Variants in PTCHD4 observed in about 807,000 individuals in gnomAD.
PTCHD4 encodes the protein patched domain containing 4, also known as patched domain-containing protein 4.
PTCHD4 carries 33 observed loss-of-function variants against 58.1 expected under a neutral mutation model. The observed-to-expected ratio is 0.57, with a 90% CI of 0.43 to 0.76. The LOEUF (loss-of-function observed/expected upper bound fraction) is 0.76. PTCHD4 is among the 30% of genes least tolerant of loss of function. PTCHD4 has a pLI of 0.00. For missense variants in PTCHD4, 1,058 were observed against 1,027.1 expected, an observed-to-expected ratio of 1.03 and a Z score of -0.41; for synonymous variants, 478 against 409.6, an observed-to-expected ratio of 1.17 and a Z score of -2.02.
chr6:48,032,706 T>G (rs1385888692), intron 3 of PTCHD4, among the ~76,000 whole-genome samples: 1 of 152,158 alleles, frequency 6.6e-6, no homozygotes, highest in Non-Finnish European at 1.5e-5. Context: ...CTTCAGAATT[T>G]TCTGTCAATT....
At position 47,873,235 on chromosome 6, in the gene PTCHD4, C is replaced by T. The variant is rs536326894; in HGVS notation, c.*5068G>A. On this transcript the variant is annotated 3_prime_UTR_variant, in exon 5 of 5. Coordinates refer to ENST00000339488, the MANE Select transcript of PTCHD4 (RefSeq NM_001384253.1). ...ATCAAGTTTGCTAGCAGTTGAGAAT[C>T]TATAGTTTTGCAACACCACGTGATT... 6.6e-6 allele frequency among the ~76,000 whole-genome samples: 1 copy of T among 151,826 alleles called. No homozygotes were observed. The highest frequency in any genetic ancestry group is 1.9e-4 in the East Asian group (1 of 5,136).
chr6:47,992,781 C>A lies in PTCHD4; in HGVS notation c.898+15853G>T, dbSNP rs150621796. ...ATGTTTTCCTATAATAAATATGCTACGTTACTTTTGTAATGAAAACATGAA... is the reference window on the plus strand; with the variant it reads ...ATGTTTTCCTATAATAAATATGCTAAGTTACTTTTGTAATGAAAACATGAA... On this transcript the variant is annotated intron_variant, in intron 4 of 4. Coordinates refer to ENST00000339488, the MANE Select transcript of PTCHD4 (RefSeq NM_001384253.1). Among the ~76,000 whole-genome samples the A allele has an allele frequency of 1.5e-4, 23 of 152,102 alleles. No individual in the cohort carries two copies. In the East Asian group the frequency reaches 4.1e-3, roughly 27 times the overall value.
intron 1 of PTCHD4, among the ~76,000 whole-genome samples, chr6:48,079,695 A>G (rs908658430): frequency 3.3e-5 from 5 of 151,352 alleles, no homozygotes; most frequent in African/African-American, 1.2e-4. Flanking sequence ...AAAGCAGACC[A>G]GTGTTTAGTC....
chr6:47,953,166 T>C (rs530658101), intron 4 of PTCHD4, among the ~76,000 whole-genome samples: 2 of 152,112 alleles, frequency 1.3e-5, no homozygotes, highest in African/African-American at 4.8e-5. Context: ...ATAATGGATG[T>C]TCTCCTGAGA....
chr6:48,092,447 A>G (rs1387733375), intron 1 of PTCHD4, among the ~76,000 whole-genome samples: 4 of 152,230 alleles, frequency 2.6e-5, no homozygotes, highest in African/African-American at 7.2e-5. Context: ...ATGAGAGAAT[A>G]TTAAGATAAT....
intron 1 of PTCHD4, among the ~76,000 whole-genome samples, chr6:48,104,390 C>G (rs982787588): frequency 3.3e-5 from 5 of 152,122 alleles, no homozygotes; most frequent in Admixed American, 6.5e-5. Flanking sequence ...ACTTTACAGA[C>G]AAGCAAATGC....
At chr6:47,994,595 C>T (rs909727999) in intron 4 of PTCHD4, among the ~76,000 whole-genome samples, 6 of 152,234 alleles carry the variant, frequency 3.9e-5, no homozygotes, top group South Asian at 2.1e-4. Context: ...TGGTAGATCA[C>T]AAGTAAGAGG....
At chr6:48,059,634 T>TCAAACAAA (rs146823585) in intron 3 of PTCHD4, among the ~76,000 whole-genome samples, 5,244 of 151,484 alleles carry the variant, frequency 0.035, 124 homozygotes, top group South Asian at 0.047. Context: ...TGAGACTGTC[T>TCAAACAAA]CAAACAAACA....
chr6:48,016,861 G>A (rs1177432083), intron 3 of PTCHD4, among the ~76,000 whole-genome samples: 1 of 152,196 alleles, frequency 6.6e-6, no homozygotes, highest in East Asian at 1.9e-4. Context: ...TGAAACTATA[G>A]GAGAGCAAGT....
intron 3 of PTCHD4, among the ~76,000 whole-genome samples, chr6:48,035,632 A>T (rs781395178): frequency 1.3e-5 from 2 of 152,056 alleles, no homozygotes; most frequent in Non-Finnish European, 2.9e-5. Flanking sequence ...TCATGTTTGC[A>T]TTGTCCAATT....
At chr6:48,033,135 T>A (rs920515740) in intron 3 of PTCHD4, among the ~76,000 whole-genome samples, 2 of 152,110 alleles carry the variant, frequency 1.3e-5, no homozygotes, top group Non-Finnish European at 2.9e-5. Context: ...AAATTTGAAA[T>A]CAACTTATAG....
chr6:47,976,287 A>C (rs1259627861), intron 4 of PTCHD4, among the ~76,000 whole-genome samples: 2 of 152,188 alleles, frequency 1.3e-5, no homozygotes, highest in Non-Finnish European at 2.9e-5. Flanking sequence ...AGGGGGAATA[A>C]ATTATCCTAT....
chr6:47,979,737 C>A (rs541407510), intron 4 of PTCHD4, among the ~76,000 whole-genome samples: 1 of 151,870 alleles, frequency 6.6e-6, no homozygotes, highest in Non-Finnish European at 1.5e-5. Context: ...TTCCCAGGTA[C>A]CCATATATCA....
chr6:47,953,211 G>C (rs547409773), intron 4 of PTCHD4, among the ~76,000 whole-genome samples: 1,846 of 152,190 alleles, frequency 0.012, 35 homozygotes, highest in African/African-American at 0.04. Context: ...ATGCAAAAAA[G>C]TGTGACTATA....
intron 4 of PTCHD4, chr6:47,901,726 G>C (rs1442470515): frequency 7.6e-6 from 9 of 1,185,012 alleles, no homozygotes; most frequent in Non-Finnish European, 9.6e-6. Flanking sequence ...TCTTAGACTA[G>C]AATGAACTCT....
chr6:47,956,653 T>C (rs979400918), intron 4 of PTCHD4, among the ~76,000 whole-genome samples: 18 of 152,094 alleles, frequency 1.2e-4, no homozygotes, highest in African/African-American at 3.9e-4. Flanking sequence ...CAAGATGGTA[T>C]TGATCTCCTG....
At position 47,870,011 on chromosome 6, in the gene PTCHD4, A is replaced by G. The variant is rs1271353908; in HGVS notation, c.*8292T>C. ...TTACAGCATTTGTGATTGTGATTTT[A>G]AAAGACCTCATATTTGACCCTAAGA... is the stretch of plus-strand genomic sequence containing the variant. On this transcript the variant is annotated 3_prime_UTR_variant, in exon 5 of 5. Coordinates refer to ENST00000339488, the MANE Select transcript of PTCHD4 (RefSeq NM_001384253.1). Among the ~76,000 whole-genome samples, 2 of 151,664 alleles carry G rather than the reference A, an allele frequency of 1.3e-5. No individual in the cohort carries two copies. The highest frequency in any genetic ancestry group is 3.0e-5 in the Non-Finnish European group (2 of 67,728).
intron 4 of PTCHD4, among the ~76,000 whole-genome samples, chr6:47,883,779 C>A (rs533658028): frequency 2.2e-4 from 34 of 152,238 alleles, no homozygotes; most frequent in Non-Finnish European, 3.5e-4. Flanking sequence ...CAGATGCACA[C>A]CCCACAGTTA....
chr6:48,086,010 G>A (rs1765257373), intron 1 of PTCHD4, among the ~76,000 whole-genome samples: 2 of 151,660 alleles, frequency 1.3e-5, no homozygotes, highest in Admixed American at 6.6e-5. Context: ...GTTTTGACAT[G>A]ACCTGTAACA....
Sources: gnomAD v4.1 joint callset for allele counts (sites outside exome capture counted in the v4.1 genomes callset) on GRCh38, gnomAD v4.1.1 for gene constraint, MANE v1.5 for transcripts, NCBI Gene and HGNC (gene_info 2026-07-23, HGNC 2026-07-21) for gene names.